LRP2: variants seen among roughly 807,000 people sequenced by gnomAD.
LRP2 encodes the protein low-density lipoprotein receptor-related protein 2.
Under a neutral mutation model 531.0 loss-of-function variants are expected in LRP2, and 172 were observed. The ratio of observed to expected loss-of-function variants is 0.32; its 90% confidence interval spans 0.29 to 0.37. LRP2 has a LOEUF of 0.37. Ranked by LOEUF, LRP2 falls within the 10% of genes least tolerant of loss-of-function variation. The probability of loss-of-function intolerance (pLI) is 1.00; values close to 1 mark genes in which losing one functional copy is unlikely to be tolerated. For synonymous variants in LRP2, 1,992 were observed against 2,027.6 expected (o/e 0.98, Z 0.47); for missense variants, 5,167 against 5,868.3 (o/e 0.88, Z 3.90).
intron 35 of LRP2, among the ~76,000 whole-genome samples, chr2:169,215,629 C>T (rs11897009): frequency 0.1 from 15,769 of 150,368 alleles, 1,428 homozygotes; most frequent in African/African-American, 0.25. Flanking sequence ...TAGGTAGATA[C>T]ATAGAATATA....
Position 169,128,510 on chromosome 2 carries a change from TA to T in LRP2, c.*152del. 5 of 687,398 alleles carry T rather than the reference TA, an allele frequency of 7.3e-6. No individual in the cohort carries two copies. The highest frequency in any genetic ancestry group is 1.2e-5 in the Non-Finnish European group (5 of 403,394). The allele number at this position is 687,398 out of a possible 1,614,324, so 42.6% of individuals were successfully genotyped here. A position where few individuals can be genotyped will look rare whatever the true frequency, so the allele number is the denominator to read the frequency against. ...TTGTAAAAATATGAGACGGCATAAG[TA>T]AAAAAAGACACACAGGATACCTCCA... On this transcript the variant is annotated 3_prime_UTR_variant, in exon 79 of 79. Transcript: ENST00000649046.
At chr2:169,157,604 T>C (rs1686380219) in intron 63 of LRP2, 102 bp from the exon 64 acceptor site, 2 of 1,306,386 alleles carry the variant, frequency 1.5e-6, no homozygotes, top group Admixed American at 3.6e-5. Flanking sequence ...ATAGGACATC[T>C]TGAGATAACC....
At chr2:169,239,839 C>T in intron 25 of LRP2, 64 bp from the exon 26 acceptor site, 2 of 1,401,224 alleles carry the variant, frequency 1.4e-6, no homozygotes, top group East Asian at 2.3e-5. Flanking sequence ...TTGATTCACT[C>T]TTATGCAATA....
In LRP2 at chr2:169,166,029, G is replaced by A. The variant is rs937679145; in HGVS notation, c.11661C>T (p.Asn3887=). 3.1e-6 allele frequency: 5 copies of A among 1,614,060 alleles called. No individual in the cohort carries two copies. The highest frequency in any genetic ancestry group is 4.2e-6 in the Non-Finnish European group (5 of 1,179,930). ...AGCGATTGTTGTCACACCGGAAACG[G>A]TTTGGTGAATTACAGGGAACATCCA... ...LCLDVPCNSP[N]RFRCDNNRCI... Residue 3887 remains asparagine, a synonymous_variant, in exon 62 of 79, where the codon AAC becomes AAT. Coordinates refer to ENST00000649046, the MANE Select transcript of LRP2 (RefSeq NM_004525.3).
At position 169,209,497 on chromosome 2, in the gene LRP2, A is replaced by G. The variant is rs768909942; in HGVS notation, c.6425T>C (p.Ile2142Thr). 6 of 1,614,036 alleles carry G rather than the reference A, an allele frequency of 3.7e-6. No homozygotes were observed. Among genetic ancestry groups the G allele is most frequent in the Middle Eastern group, 1.6e-4 (1 of 6,084 alleles). ...AATACCCCGGACTCCATTTTCTCCT[A>G]TTCCATGTGTCACAATGTTCATCAG... ...SSLMNIVTHG[I>T]GENGVRGIAV... Residue 2142 changes from isoleucine (I) to threonine (T), a missense_variant, in exon 38 of 79, where the codon ATA (isoleucine) becomes ACA (threonine). By Grantham distance (89) the Ile-to-Thr change is moderately conservative. Transcript: ENST00000649046.
chr2:169,195,977 A>C (rs1462645861), intron 46 of LRP2, among the ~76,000 whole-genome samples: 1 of 152,374 alleles, frequency 6.6e-6, no homozygotes, highest in East Asian at 1.9e-4. Flanking sequence ...GATATATACT[A>C]TAGAGGAATA....
At chr2:169,217,156 G>A (rs1052440431) in intron 34 of LRP2, among the ~76,000 whole-genome samples, 73 of 152,100 alleles carry the variant, frequency 4.8e-4, no homozygotes, top group African/African-American at 1.7e-3. Flanking sequence ...GAAGATGTAA[G>A]TTCTAGACTT....
chr2:169,208,423 G>C (rs963442777), intron 38 of LRP2, among the ~76,000 whole-genome samples: 1 of 151,968 alleles, frequency 6.6e-6, no homozygotes, highest in South Asian at 2.1e-4. Context: ...ATAGTACTTA[G>C]ATTTTCATAA....
At chr2:169,172,793 T>G (rs2105279729) in intron 57 of LRP2, among the ~76,000 whole-genome samples, 1 of 152,342 alleles carries the variant, frequency 6.6e-6, no homozygotes, top group South Asian at 2.1e-4. Context: ...AGAGAAACAA[T>G]TTAAACTTGT....
At chr2:169,167,292 G>A (rs1474177003) in intron 61 of LRP2, among the ~76,000 whole-genome samples, 1 of 152,134 alleles carries the variant, frequency 6.6e-6, no homozygotes, top group East Asian at 1.9e-4. Flanking sequence ...ACTAATTAAA[G>A]TTTTCTGAGG....
chr2:169,232,574 G>C (rs1367406020), intron 30 of LRP2, among the ~76,000 whole-genome samples: 1 of 152,146 alleles, frequency 6.6e-6, no homozygotes, highest in Non-Finnish European at 1.5e-5. Flanking sequence ...CAGAACATGA[G>C]GGTAAAGAGC....
chr2:169,349,808 A>T (rs1685796568), intron 1 of LRP2, among the ~76,000 whole-genome samples: 1 of 152,160 alleles, frequency 6.6e-6, no homozygotes, highest in South Asian at 2.1e-4. Flanking sequence ...TCTTCTGCCC[A>T]TCCTGCTTCC....
chr2:169,335,387 T>G (rs1057083373), intron 1 of LRP2, among the ~76,000 whole-genome samples: 2 of 152,240 alleles, frequency 1.3e-5, no homozygotes, highest in African/African-American at 4.8e-5. Flanking sequence ...TACATTAAAC[T>G]TGGACATCGT....
chr2:169,302,001 C>A (rs553717407), intron 4 of LRP2, among the ~76,000 whole-genome samples: 2 of 152,012 alleles, frequency 1.3e-5, no homozygotes, highest in Non-Finnish European at 2.9e-5. Context: ...TTTCCAGGTA[C>A]CTAATATATT....
chr2:169,134,593 C>G (rs11693676), intron 76 of LRP2, among the ~76,000 whole-genome samples: 50,043 of 152,114 alleles, frequency 0.33, 10,080 homozygotes, highest in Admixed American at 0.48. Flanking sequence ...ATAGTATCTT[C>G]CACATCTATC....
intron 3 of LRP2, among the ~76,000 whole-genome samples, chr2:169,313,497 G>A (rs893359377): frequency 3.3e-5 from 5 of 152,158 alleles, no homozygotes; most frequent in Non-Finnish European, 7.3e-5. Context: ...GTTTGCCTGG[G>A]TATCATCAGT....
chr2:169,171,601 G>GGGAAAGA lies in LRP2; in HGVS notation c.11263+407_11263+413dup, dbSNP rs531094779. The stretch of plus-strand genomic sequence containing the variant: ...CTCCTCTCCTATGAAGGCCATTTTG[G>GGGAAAGA]GGAAAGAGCTTAAGAAGCAGTGTCT... On this transcript the variant is annotated intron_variant, in intron 58 of 78. Transcript: ENST00000649046. Among the ~76,000 whole-genome samples the GGGAAAGA allele has an allele frequency of 7.9e-5, 12 of 152,252 alleles. No homozygotes were observed. In the South Asian group the frequency reaches 1.0e-3, roughly 13 times the overall value.
In LRP2 at chr2:169,292,242, C is replaced by CT; in HGVS notation, c.769+10_769+11insA. 1 of 1,557,840 alleles carries CT rather than the reference C, an allele frequency of 6.4e-7. No homozygotes were observed. The highest frequency in any genetic ancestry group is 2.2e-5 in the East Asian group (1 of 44,636). ...AAATGCTTTTCAGTAGGAATCTCTT[C>CT]CCCTCCTTACCACATCCATCTTCAT... On this transcript the variant is annotated intron_variant, in intron 7 of 78. Coordinates refer to ENST00000649046, the MANE Select transcript of LRP2 (RefSeq NM_004525.3).
Position 169,177,953 on chromosome 2 carries a change from T to C in LRP2, c.10243A>G (p.Ile3415Val). 1.9e-6 allele frequency: 3 copies of C among 1,614,212 alleles called. No individual in the cohort carries two copies. Among genetic ancestry groups the C allele is most frequent in the Non-Finnish European group, 1.7e-6 (2 of 1,180,040 alleles). The change falls in exon 53 of 79, where the codon ATT (isoleucine) becomes GTT (valine). Residue 3415 changes from isoleucine (I) to valine (V), a missense_variant. Physicochemically the swap from Ile to Val is conservative, Grantham distance 29. Coordinates refer to ENST00000649046, the MANE Select transcript of LRP2 (RefSeq NM_004525.3). ...GTCCAATAAATAGTGTCTTCAAAAA[T>C]GGTAATAGCGAAAGGGTGAGGCAGT... ...GALPHPFAIT[I>V]FEDTIYWTDW... is the part of the protein sequence containing the mutation.
Sources: allele counts gnomAD v4.1 joint callset (sites outside exome capture counted in the v4.1 genomes callset), GRCh38; gene constraint gnomAD v4.1.1; transcripts MANE v1.5; gene names NCBI Gene and HGNC (gene_info 2026-07-23, HGNC 2026-07-21).